FOXN3: variants seen among roughly 807,000 people sequenced by gnomAD.
FOXN3 encodes forkhead box protein N3.
Under a neutral mutation model 38.4 loss-of-function variants are expected in FOXN3, and 7 were observed. That is an observed-to-expected ratio of 0.18 (90% CI 0.10 to 0.34). FOXN3 has a LOEUF of 0.34. Ranked by LOEUF, FOXN3 falls within the 10% of genes least tolerant of loss-of-function variation. The probability of loss-of-function intolerance (pLI) is 1.00; values close to 1 mark genes in which losing one functional copy is unlikely to be tolerated. For missense variants in FOXN3, 456 were observed against 613.4 expected, an observed-to-expected ratio of 0.74 and a Z score of 2.71; for synonymous variants, 230 against 242.2, an observed-to-expected ratio of 0.95 and a Z score of 0.47.
chr14:89,346,844 G>A lies in FOXN3; in HGVS notation c.680+3828C>T, dbSNP rs148239606. On this transcript the variant is annotated intron_variant, in intron 3 of 5. Coordinates refer to ENST00000557258, the MANE Select transcript of FOXN3 (RefSeq NM_005197.4). ...TGTCTCTTCTCTCATTTATTTGTTTGTTTATTTATTCAATCATTTATTTCT... is the reference window on the plus strand; with the variant it reads ...TGTCTCTTCTCTCATTTATTTGTTTATTTATTTATTCAATCATTTATTTCT... Among the ~76,000 whole-genome samples the A allele has an allele frequency of 1.7e-3, 253 of 152,196 alleles. 2 individuals carry two copies. The highest frequency in any genetic ancestry group is 5.7e-3 in the African/African-American group (237 of 41,530).
chr14:89,290,985 C>T (rs1886851668), intron 3 of FOXN3: 1 of 420,990 alleles, frequency 2.4e-6, no homozygotes, highest in East Asian at 6.4e-5. Context: ...CGGACCTGTT[C>T]TGCTCCACGT....
At chr14:89,464,006 A>T (rs1596284507) in intron 1 of FOXN3, among the ~76,000 whole-genome samples, 3 of 150,660 alleles carry the variant, frequency 2.0e-5, no homozygotes, top group African/African-American at 7.3e-5. Flanking sequence ...CTGGTCTTGA[A>T]CTCCTGACCT....
At chr14:89,370,207 A>T (rs1890275688) in intron 2 of FOXN3, among the ~76,000 whole-genome samples, 1 of 152,254 alleles carries the variant, frequency 6.6e-6, no homozygotes. Flanking sequence ...ATCTGTTTGT[A>T]CACCACATTT....
At chr14:89,335,514 T>G (rs1161609773) in intron 3 of FOXN3, among the ~76,000 whole-genome samples, 2 of 152,240 alleles carry the variant, frequency 1.3e-5, no homozygotes, top group Admixed American at 1.3e-4. Context: ...ACAGACACTA[T>G]TTTGATAATT....
At chr14:89,445,265 G>A (rs1892470155) in intron 1 of FOXN3, among the ~76,000 whole-genome samples, 1 of 152,164 alleles carries the variant, frequency 6.6e-6, no homozygotes, top group Non-Finnish European at 1.5e-5. Context: ...AATGGGGATG[G>A]TGACTACCTA....
At chr14:89,450,213 C>T (rs1892587635) in intron 1 of FOXN3, among the ~76,000 whole-genome samples, 1 of 152,218 alleles carries the variant, frequency 6.6e-6, no homozygotes, top group Non-Finnish European at 1.5e-5. Context: ...TTACATGAGC[C>T]TTCCCCAATG....
intron 1 of FOXN3, among the ~76,000 whole-genome samples, chr14:89,555,004 T>A (rs1235907635): frequency 6.6e-6 from 1 of 152,036 alleles, no homozygotes; most frequent in African/African-American, 2.4e-5. Context: ...TTGGTCAGGC[T>A]GGTCTCAAAG....
Position 89,159,970 on chromosome 14 carries a change from A to G in FOXN3, c.*2444T>C, listed in dbSNP as rs1408330666. 4 of 152,198 alleles carry G rather than the reference A, an allele frequency of 2.6e-5. No individual in the cohort carries two copies. Among genetic ancestry groups the G allele is most frequent in the Non-Finnish European group, 5.9e-5 (4 of 68,050 alleles). 9.4% of individuals were successfully genotyped at this position (152,198 alleles called of 1,614,324 possible). A position where few individuals can be genotyped will look rare whatever the true frequency, so the allele number is the denominator to read the frequency against. ...CTCATCAGCAACCCACCGGAAGGTA[A>G]GTGTGGGGAATGCACCAGTTAGTTC... On this transcript the variant is annotated 3_prime_UTR_variant, in exon 6 of 6. Transcript: ENST00000557258.
intron 5 of FOXN3, among the ~76,000 whole-genome samples, chr14:89,167,866 C>T (rs1887282461): frequency 6.6e-6 from 1 of 152,142 alleles, no homozygotes; most frequent in South Asian, 2.1e-4. Context: ...AGAACAAGAA[C>T]CCAAACTCAC....
In FOXN3 at chr14:89,417,168, C is replaced by T. The variant is rs1418601683; in HGVS notation, c.-312G>A. On this transcript the variant is annotated 5_prime_UTR_variant, in exon 1 of 6. Coordinates refer to ENST00000557258, the MANE Select transcript of FOXN3 (RefSeq NM_005197.4). The stretch of plus-strand genomic sequence containing the variant: ...CCTCCCGCTCGCCTCCGCCGCGGCG[C>T]GTCGGGCCGGGGCGCGCCGAGCGGC... The T allele has an allele frequency of 6.9e-6, 1 of 144,326 alleles. No homozygotes were observed. The highest frequency in any genetic ancestry group is 1.5e-5 in the Non-Finnish European group (1 of 65,196). 8.9% of individuals were successfully genotyped at this position (144,326 alleles called of 1,614,324 possible).
intron 3 of FOXN3, among the ~76,000 whole-genome samples, chr14:89,346,596 C>T (rs1888765258): frequency 6.6e-6 from 1 of 152,212 alleles, no homozygotes; most frequent in Admixed American, 6.5e-5. Flanking sequence ...CGAGAGGTAC[C>T]CGGTATCAAC....
chr14:89,498,048 A>G (rs1398443143), intron 1 of FOXN3, among the ~76,000 whole-genome samples: 2 of 151,926 alleles, frequency 1.3e-5, no homozygotes, highest in Admixed American at 1.3e-4. Context: ...GGCTATTTGT[A>G]TATCTTCCTT....
chr14:89,475,977 C>G (rs1893201387), intron 1 of FOXN3, among the ~76,000 whole-genome samples: 1 of 152,150 alleles, frequency 6.6e-6, no homozygotes, highest in South Asian at 2.1e-4. Flanking sequence ...TTTCCTGCCC[C>G]TTGTTCACCT....
At chr14:89,268,427 G>A (rs575900104) in intron 4 of FOXN3, among the ~76,000 whole-genome samples, 2 of 152,288 alleles carry the variant, frequency 1.3e-5, no homozygotes, top group East Asian at 1.9e-4. Context: ...CACCAGTGCT[G>A]TATACTTAGT....
chr14:89,210,500 C>A (rs1231464962), intron 4 of FOXN3, among the ~76,000 whole-genome samples: 3 of 152,206 alleles, frequency 2.0e-5, no homozygotes, highest in African/African-American at 7.2e-5. Context: ...TGGACTAAGA[C>A]ACATACTGTT....
intron 4 of FOXN3, among the ~76,000 whole-genome samples, chr14:89,213,218 G>C (rs1884156380): frequency 6.6e-6 from 1 of 152,084 alleles, no homozygotes; most frequent in Non-Finnish European, 1.5e-5. Context: ...GTTCAGCTCT[G>C]AATCCTTGCC....
intron 1 of FOXN3, among the ~76,000 whole-genome samples, chr14:89,477,843 C>T (rs1004134318): frequency 2.0e-5 from 3 of 151,820 alleles, no homozygotes; most frequent in Admixed American, 6.6e-5. Flanking sequence ...TTATGGCAAT[C>T]GTGATAATGT....
chr14:89,556,768 T>C (rs888730312), intron 1 of FOXN3, among the ~76,000 whole-genome samples: 5 of 152,192 alleles, frequency 3.3e-5, no homozygotes, highest in African/African-American at 4.8e-5. Flanking sequence ...AAGCCGTCTC[T>C]GGCCTATCCC....
At chr14:89,247,910 T>C (rs1156381324) in intron 4 of FOXN3, among the ~76,000 whole-genome samples, 2 of 152,228 alleles carry the variant, frequency 1.3e-5, no homozygotes, top group Non-Finnish European at 2.9e-5. Flanking sequence ...CAAACATTGC[T>C]GTTCTTTCAA....
Sources: allele counts gnomAD v4.1 joint callset (sites outside exome capture counted in the v4.1 genomes callset), GRCh38; gene constraint gnomAD v4.1.1; transcripts MANE v1.5; gene names NCBI Gene and HGNC (gene_info 2026-07-23, HGNC 2026-07-21).